Variants in TGFBRAP1 observed in about 807,000 individuals in gnomAD.
The protein encoded by TGFBRAP1 is transforming growth factor beta receptor associated protein 1.
A neutral mutation model predicts 83.2 loss-of-function variants in TGFBRAP1; 20 were observed. That is an observed-to-expected ratio of 0.24 (90% confidence interval 0.17 to 0.35). The LOEUF is 0.35. Ranked by LOEUF, TGFBRAP1 falls within the 10% of genes least tolerant of loss-of-function variation. The pLI, the probability that TGFBRAP1 is intolerant of heterozygous loss-of-function variation, is 1.00. For synonymous variants in TGFBRAP1, 415 were observed against 459.8 expected (o/e 0.90, Z 1.25); for missense variants, 950 against 1,099.4 (o/e 0.86, Z 1.92).
chr2:105,263,133 C>T (rs559900300), downstream of TGFBRAP1, among the ~76,000 whole-genome samples: 16 of 152,286 alleles, frequency 1.1e-4, no homozygotes, highest in Middle Eastern at 3.4e-3. Flanking sequence ...CCTAATCTGC[C>T]GTTGTAACAT....
intron 1 of TGFBRAP1, among the ~76,000 whole-genome samples, chr2:105,317,368 C>T (rs147976484): frequency 0.023 from 3,488 of 150,770 alleles, 139 homozygotes; most frequent in African/African-American, 0.081. Context: ...ACCTGAGAGG[C>T]GGAGATTGCA....
At chr2:105,292,833 A>G (rs1677957756) in intron 4 of TGFBRAP1, among the ~76,000 whole-genome samples, 1 of 152,190 alleles carries the variant, frequency 6.6e-6, no homozygotes, top group Non-Finnish European at 1.5e-5. Context: ...TATAAAACAA[A>G]TTAAATTTTA....
intron 2 of TGFBRAP1, among the ~76,000 whole-genome samples, chr2:105,305,776 C>T (rs183550607): frequency 1.8e-3 from 279 of 151,718 alleles, no homozygotes; most frequent in Middle Eastern, 0.014. Flanking sequence ...CTGCCTCAGC[C>T]TCCTGAGTAG....
intron 2 of TGFBRAP1, among the ~76,000 whole-genome samples, chr2:105,307,079 G>A (rs1300318259): frequency 6.6e-6 from 1 of 152,120 alleles, no homozygotes; most frequent in African/African-American, 2.4e-5. Flanking sequence ...GCAGAAGCGG[G>A]AAAACTAGAC....
At chr2:105,308,861 T>G (rs182272074) in intron 1 of TGFBRAP1, among the ~76,000 whole-genome samples, 11 of 152,290 alleles carry the variant, frequency 7.2e-5, no homozygotes, top group Non-Finnish European at 1.5e-4. Context: ...CTTTAGTCAA[T>G]GAACACAACC....
At chr2:105,319,494 C>A (rs1350049966) in intron 1 of TGFBRAP1, among the ~76,000 whole-genome samples, 1 of 149,888 alleles carries the variant, frequency 6.7e-6, no homozygotes, top group Non-Finnish European at 1.5e-5. Context: ...GAGTTTGAGA[C>A]CAGCCTGGCA....
intron 5 of TGFBRAP1, 143 bp from the exon 6 acceptor site, chr2:105,280,866 A>C: frequency 1.1e-6 from 1 of 919,392 alleles, no homozygotes; most frequent in Non-Finnish European, 1.6e-6. Context: ...ATGTCAGAGC[A>C]ACCGTTCTAA....
chr2:105,254,440 G>A, the TGFBRAP1 span, among the ~76,000 whole-genome samples: 1,357 of 152,164 alleles, frequency 8.9e-3, 14 homozygotes, highest in African/African-American at 0.031. Context: ...CAAGAACTTT[G>A]CAGTTTTACA....
At position 105,277,720 on chromosome 2, in the gene TGFBRAP1, G is replaced by A. The variant is rs373875899; in HGVS notation, c.1464-49C>T. 5 of 1,575,850 alleles carry A rather than the reference G, an allele frequency of 3.2e-6. No homozygotes were observed. In the African/African-American group the frequency reaches 6.7e-5, roughly 21 times the overall value. Reference sequence around the variant, plus strand: ...TACAACCTCTCCCCATCAGCTCCTGGAGGCGACCTTCACACAGTGACACCC... The same window carrying A: ...TACAACCTCTCCCCATCAGCTCCTGAAGGCGACCTTCACACAGTGACACCC... On this transcript the variant is annotated intron_variant, in intron 6 of 11. Transcript: ENST00000393359.
intron 5 of TGFBRAP1, among the ~76,000 whole-genome samples, 148 bp downstream of exon 5, chr2:105,284,147 GAGGAACCAGCATTGGCGGGGT>G (rs1677634585): frequency 6.6e-6 from 1 of 152,112 alleles, no homozygotes; most frequent in Admixed American, 6.6e-5. Context: ...GGGTGACGCT[GAGGAACCAGCATTGGCGGGGT>G]CTGCTGTCAC....
At chr2:105,252,467 T>A in the TGFBRAP1 span, among the ~76,000 whole-genome samples, 2 of 152,024 alleles carry the variant, frequency 1.3e-5, no homozygotes, top group African/African-American at 4.8e-5. Flanking sequence ...TTCTGGGGAG[T>A]GCCGGAATGC....
At chr2:105,314,044 A>T (rs981107009) in intron 1 of TGFBRAP1, among the ~76,000 whole-genome samples, 2 of 151,990 alleles carry the variant, frequency 1.3e-5, no homozygotes, top group African/African-American at 4.8e-5. Context: ...CTAATCAAAT[A>T]TGACTGTGTC....
chr2:105,284,481 G>T, intron 4 of TGFBRAP1, 83 bp from the exon 5 acceptor site: 1 of 1,245,236 alleles, frequency 8.0e-7, no homozygotes, highest in African/African-American at 1.5e-5. Context: ...CTAGATAAGT[G>T]TTCGTTATAA....
intron 1 of TGFBRAP1, among the ~76,000 whole-genome samples, chr2:105,322,828 G>A (rs899055664): frequency 6.6e-6 from 1 of 152,182 alleles, no homozygotes; most frequent in Non-Finnish European, 1.5e-5. Flanking sequence ...ACTGATGCAT[G>A]ACTGTATATC....
the TGFBRAP1 span, among the ~76,000 whole-genome samples, chr2:105,257,162 G>A: frequency 1.2e-3 from 176 of 152,006 alleles, 3 homozygotes; most frequent in Middle Eastern, 0.017. Flanking sequence ...CTATGGACTC[G>A]CCCTGAATTA....
At chr2:105,262,955 CA>C (rs1676825079), downstream of TGFBRAP1, among the ~76,000 whole-genome samples, 3 of 152,344 alleles carry the variant, frequency 2.0e-5, no homozygotes, top group Admixed American at 2.0e-4. Context: ...AATTTCGTTT[CA>C]AACGCTAAGG....
At chr2:105,260,887 G>C (rs957370381), downstream of TGFBRAP1, among the ~76,000 whole-genome samples, 6 of 152,144 alleles carry the variant, frequency 3.9e-5, no homozygotes, top group African/African-American at 1.4e-4. Context: ...TAAAATTTGA[G>C]TTTCTGACTA....
At chr2:105,309,841 A>C (rs770858709) in intron 1 of TGFBRAP1, among the ~76,000 whole-genome samples, 3 of 152,036 alleles carry the variant, frequency 2.0e-5, no homozygotes, top group African/African-American at 4.8e-5. Context: ...GGAGGTGGGG[A>C]GGTGATTAGG....
At chr2:105,274,187 C>A (rs1326862088) in intron 8 of TGFBRAP1, among the ~76,000 whole-genome samples, 1 of 152,196 alleles carries the variant, frequency 6.6e-6, no homozygotes, top group Non-Finnish European at 1.5e-5. Flanking sequence ...GATGGTTAAT[C>A]TGAGATCTGA....
Sources: allele counts gnomAD v4.1 joint callset (sites outside exome capture counted in the v4.1 genomes callset), GRCh38; gene constraint gnomAD v4.1.1; transcripts MANE v1.5; gene names NCBI Gene and HGNC (gene_info 2026-07-23, HGNC 2026-07-21).